Variants in LPP observed in about 807,000 individuals in gnomAD.
LPP encodes the protein LIM domain containing preferred translocation partner in lipoma.
A neutral mutation model predicts 60.4 loss-of-function variants in LPP; 38 were observed. That is an observed-to-expected ratio of 0.63 (90% CI 0.49 to 0.83). The LOEUF is 0.83. Among genes scored for constraint, LPP ranks in the 40% least tolerant of loss-of-function variants. The probability of loss-of-function intolerance (pLI) is 0.00; values close to 1 mark genes in which losing one functional copy is unlikely to be tolerated. For missense variants in LPP, 902 were observed against 783.6 expected (o/e 1.15, Z -1.80); for synonymous variants, 328 against 290.8 (o/e 1.13, Z -1.30).
At chr3:188,707,142 C>T (rs546161717) in intron 7 of LPP, among the ~76,000 whole-genome samples, 18 of 151,798 alleles carry the variant, frequency 1.2e-4, no homozygotes, top group Non-Finnish European at 2.1e-4. Flanking sequence ...CTGGCTCGCC[C>T]GCCTATTTAT....
chr3:188,630,608 A>T (rs376734025), intron 7 of LPP, among the ~76,000 whole-genome samples: 1 of 152,218 alleles, frequency 6.6e-6, no homozygotes, highest in Admixed American at 6.5e-5. Flanking sequence ...TAGCAATCCC[A>T]TTACTGGGTA....
intron 2 of LPP, among the ~76,000 whole-genome samples, chr3:188,335,523 T>C (rs1344038454): frequency 1.3e-5 from 2 of 152,230 alleles, no homozygotes; most frequent in African/African-American, 2.4e-5. Flanking sequence ...TGTCTGGTTT[T>C]GGTATGAGGG....
chr3:188,697,608 G>C (rs572592441), intron 7 of LPP, among the ~76,000 whole-genome samples: 1 of 152,168 alleles, frequency 6.6e-6, no homozygotes, highest in Admixed American at 6.5e-5. Flanking sequence ...CTAAAGAAAA[G>C]TCTGGAACCC....
intron 2 of LPP, among the ~76,000 whole-genome samples, chr3:188,229,013 ATGCCCTTCC>A (rs1718874568): frequency 6.6e-6 from 1 of 152,204 alleles, no homozygotes; most frequent in Non-Finnish European, 1.5e-5. Context: ...TGCTCAGCGT[ATGCCCTTCC>A]TGCCAACATT....
intron 4 of LPP, among the ~76,000 whole-genome samples, chr3:188,469,883 T>A (rs1176605435): frequency 1.3e-5 from 2 of 152,156 alleles, no homozygotes; most frequent in African/African-American, 4.8e-5. Context: ...AAATAACTTA[T>A]ATTTATGTAG....
intron 7 of LPP, among the ~76,000 whole-genome samples, chr3:188,667,055 A>C (rs1044458845): frequency 6.6e-6 from 1 of 152,192 alleles, no homozygotes; most frequent in African/African-American, 2.4e-5. Flanking sequence ...TGTGAACAAA[A>C]ACTTTGCTCT....
intron 4 of LPP, among the ~76,000 whole-genome samples, chr3:188,446,375 CA>C (rs1474859757): frequency 1.4e-4 from 21 of 152,144 alleles, no homozygotes; most frequent in African/African-American, 3.9e-4. Context: ...CCCTCAAGGT[CA>C]AAACATCATG....
In LPP at chr3:188,677,032, T is replaced by A. The variant is rs150517992; in HGVS notation, c.1114-31235T>A. Among the ~76,000 whole-genome samples the A allele has an allele frequency of 4.5e-3, 688 of 152,260 alleles. 4 individuals are homozygous for A. The highest frequency in any genetic ancestry group is 0.016 in the African/African-American group (669 of 41,542). On this transcript the variant is annotated intron_variant, in intron 7 of 11. Coordinates refer to ENST00000617246, the MANE Select transcript of LPP (RefSeq NM_001375462.1). ...TGACAAGAAACTGAAGCCATCAGTT[T>A]AGCAGCCTGCAAGGAACCGACTGTT...
intron 1 of LPP, among the ~76,000 whole-genome samples, chr3:188,166,166 T>C (rs1719889042): frequency 2.0e-5 from 3 of 151,470 alleles, no homozygotes; most frequent in African/African-American, 4.9e-5. Context: ...GATTTTTTTT[T>C]TTCTTCTTTC....
intron 9 of LPP, among the ~76,000 whole-genome samples, chr3:188,777,647 A>G (rs1024100173): frequency 6.6e-6 from 1 of 152,070 alleles, no homozygotes; most frequent in Admixed American, 6.6e-5. Flanking sequence ...GTGTCTTGGC[A>G]TGTCTTTTGT....
At chr3:188,688,664 TA>T (rs776375273) in intron 7 of LPP, 35 of 417,884 alleles carry the variant, frequency 8.4e-5, no homozygotes, top group Non-Finnish European at 1.6e-4. Flanking sequence ...ATTAGGTTTG[TA>T]TTTTATGAAG....
In LPP at chr3:188,244,890, T is replaced by A. The variant is rs1484220932; in HGVS notation, c.-67+19363T>A. 2.0e-5 allele frequency among the ~76,000 whole-genome samples: 3 copies of A among 152,166 alleles called. No homozygotes were observed. In the East Asian group the frequency reaches 5.8e-4, roughly 29 times the overall value. On this transcript the variant is annotated intron_variant, in intron 2 of 11. Transcript: ENST00000617246. ...ATCGGTATCTGGTTCATGGTAGATTTTCAATGAATCTGAGTGAATGAATGA... is the reference window on the plus strand; with the variant it reads ...ATCGGTATCTGGTTCATGGTAGATTATCAATGAATCTGAGTGAATGAATGA...
intron 1 of LPP, among the ~76,000 whole-genome samples, chr3:188,161,094 G>A (rs1366430216): frequency 6.6e-6 from 1 of 152,188 alleles, no homozygotes; most frequent in East Asian, 1.9e-4. Context: ...AGATGGGGCT[G>A]GCTAGGGAGG....
At chr3:188,714,522 ATT>A (rs1712988510) in intron 8 of LPP, among the ~76,000 whole-genome samples, 1 of 149,802 alleles carries the variant, frequency 6.7e-6, no homozygotes, top group Non-Finnish European at 1.5e-5. Context: ...CACCGTTCTT[ATT>A]TTTTCAAGTC....
rs541160326 is a variant in LPP at position 188,671,998 on chromosome 3, AG to A, written c.1114-36268del. ...GTAAAGCTGCCACTGAAGGGCAAAAAGACATATAGCAATCATTGTTTAAATA... is the reference window on the plus strand; with the variant it reads ...GTAAAGCTGCCACTGAAGGGCAAAAAACATATAGCAATCATTGTTTAAATA... On this transcript the variant is annotated intron_variant, in intron 7 of 11. Transcript: ENST00000617246. Among the ~76,000 whole-genome samples the A allele has an allele frequency of 2.5e-3, 374 of 152,354 alleles. 1 individual carries two copies. The highest frequency in any genetic ancestry group is 8.6e-3 in the African/African-American group (356 of 41,586).
At chr3:188,211,830 T>C (rs769984246) in intron 1 of LPP, among the ~76,000 whole-genome samples, 1 of 133,560 alleles carries the variant, frequency 7.5e-6, no homozygotes, top group Non-Finnish European at 1.5e-5. Context: ...CTGTTCTTTT[T>C]CTTTTTTTTT....
intron 7 of LPP, among the ~76,000 whole-genome samples, chr3:188,617,135 A>C (rs1044382608): frequency 3.1e-4 from 47 of 152,186 alleles, no homozygotes; most frequent in African/African-American, 1.1e-3. Flanking sequence ...TTTAAAGGAA[A>C]TAAGTTGGAA....
chr3:188,846,992 A>G (rs12186105), intron 9 of LPP, among the ~76,000 whole-genome samples: 33,621 of 152,154 alleles, frequency 0.22, 3,928 homozygotes, highest in African/African-American at 0.26. Flanking sequence ...TCAGATACCT[A>G]TACATTTATT....
At chr3:188,248,474 A>ATATAGT (rs1403308709) in intron 2 of LPP, among the ~76,000 whole-genome samples, 3 of 124,386 alleles carry the variant, frequency 2.4e-5, no homozygotes, top group African/African-American at 3.5e-5. Flanking sequence ...AACTTTATAT[A>ATATAGT]TATATATATA....
Sources: allele counts gnomAD v4.1 joint callset (sites outside exome capture counted in the v4.1 genomes callset), GRCh38; gene constraint gnomAD v4.1.1; transcripts MANE v1.5; gene names NCBI Gene and HGNC (gene_info 2026-07-23, HGNC 2026-07-21).